CHST11: variants seen among roughly 807,000 people sequenced by gnomAD.
CHST11 encodes the protein C4S-1.
A neutral mutation model predicts 30.4 loss-of-function variants in CHST11; 9 were observed. That is an observed-to-expected ratio of 0.30 (90% confidence interval 0.18 to 0.52). The LOEUF (loss-of-function observed/expected upper bound fraction) is 0.52. CHST11 is among the 20% of genes least tolerant of loss of function. The pLI is 0.97. For synonymous variants in CHST11, 152 were observed against 187.8 expected (o/e 0.81, Z 1.56); for missense variants, 348 against 460.6 (o/e 0.76, Z 2.24).
At chr12:104,582,298 G>C (rs1188586917) in intron 1 of CHST11, among the ~76,000 whole-genome samples, 3 of 152,124 alleles carry the variant, frequency 2.0e-5, no homozygotes, top group Admixed American at 1.3e-4. Flanking sequence ...GCCAGGATTT[G>C]AGGCAGGAAT....
At chr12:104,726,003 A>G (rs909471134) in intron 2 of CHST11, among the ~76,000 whole-genome samples, 1 of 152,166 alleles carries the variant, frequency 6.6e-6, no homozygotes, top group African/African-American at 2.4e-5. Context: ...TGACATCATC[A>G]ATCCCTTTGT....
intron 2 of CHST11, among the ~76,000 whole-genome samples, chr12:104,713,046 G>A (rs10450755): frequency 0.013 from 1,903 of 151,530 alleles, 34 homozygotes; most frequent in African/African-American, 0.043. Flanking sequence ...TAATTCATGC[G>A]GCTTGCAGTA....
intron 1 of CHST11, among the ~76,000 whole-genome samples, chr12:104,478,415 G>A (rs116086016): frequency 6.5e-4 from 99 of 152,228 alleles, no homozygotes; most frequent in African/African-American, 2.3e-3. Flanking sequence ...CCAGGTCCAC[G>A]TCCCTAAGCC....
chr12:104,537,903 C>A (rs2038253133), intron 1 of CHST11, among the ~76,000 whole-genome samples: 1 of 152,064 alleles, frequency 6.6e-6, no homozygotes, highest in South Asian at 2.1e-4. Context: ...GCTCTGTTGC[C>A]TAGGCTGCTT....
intron 2 of CHST11, among the ~76,000 whole-genome samples, chr12:104,716,992 C>T (rs2040136561): frequency 6.6e-6 from 1 of 152,196 alleles, no homozygotes; most frequent in Non-Finnish European, 1.5e-5. Context: ...TCAGAGCCGG[C>T]AATGGCCAGT....
At chr12:104,509,702 A>G (rs1332559564) in intron 1 of CHST11, among the ~76,000 whole-genome samples, 1 of 152,216 alleles carries the variant, frequency 6.6e-6, no homozygotes. Flanking sequence ...CTCATGAATG[A>G]CATGAGACAT....
At chr12:104,597,311 C>T (rs1207501333) in intron 1 of CHST11, among the ~76,000 whole-genome samples, 6 of 151,810 alleles carry the variant, frequency 4.0e-5, no homozygotes, top group African/African-American at 1.5e-4. Context: ...AAAAAAAAAT[C>T]TTTAATCCCA....
At chr12:104,575,504 C>T (rs772401636) in intron 1 of CHST11, among the ~76,000 whole-genome samples, 4 of 152,160 alleles carry the variant, frequency 2.6e-5, no homozygotes, top group Non-Finnish European at 4.4e-5. Context: ...TGCGAGTCCT[C>T]TGTGATAATC....
chr12:104,462,906 C>G (rs991687956), intron 1 of CHST11, among the ~76,000 whole-genome samples: 2 of 152,122 alleles, frequency 1.3e-5, no homozygotes, highest in Non-Finnish European at 2.9e-5. Context: ...TAGGTGATCT[C>G]CTTTGATTGT....
chr12:104,574,384 T>A (rs1403375683), intron 1 of CHST11, among the ~76,000 whole-genome samples: 1 of 152,200 alleles, frequency 6.6e-6, no homozygotes, highest in Non-Finnish European at 1.5e-5. Flanking sequence ...GGATTATAAA[T>A]CATGCTGCTA....
chr12:104,534,046 G>T (rs907312984), intron 1 of CHST11, among the ~76,000 whole-genome samples: 1 of 152,138 alleles, frequency 6.6e-6, no homozygotes, highest in Non-Finnish European at 1.5e-5. Flanking sequence ...TTTTTTAATA[G>T]AGAAAGGGAA....
intron 1 of CHST11, among the ~76,000 whole-genome samples, chr12:104,497,784 G>A (rs1315734326): frequency 6.6e-6 from 1 of 152,100 alleles, no homozygotes; most frequent in Non-Finnish European, 1.5e-5. Flanking sequence ...AGAGGGGACC[G>A]GATGGTAACA....
chr12:104,741,886 A>G lies in CHST11; in HGVS notation c.205-15063A>G, dbSNP rs144248443. Among the ~76,000 whole-genome samples, 383 of 152,288 alleles carry G rather than the reference A, an allele frequency of 2.5e-3. 4 individuals are homozygous for G. Among genetic ancestry groups the G allele is most frequent in the African/African-American group, 8.5e-3 (353 of 41,560 alleles). ...CAGCCCGACCCACTGAACCAGAATTACTCAGGGTGGTGTCTGGGAACCCGC... is the reference window on the plus strand; with the variant it reads ...CAGCCCGACCCACTGAACCAGAATTGCTCAGGGTGGTGTCTGGGAACCCGC... On this transcript the variant is annotated intron_variant, in intron 2 of 2. Transcript: ENST00000303694.
intron 2 of CHST11, among the ~76,000 whole-genome samples, chr12:104,744,487 A>G (rs190415519): frequency 1.8e-4 from 28 of 152,204 alleles, no homozygotes; most frequent in Admixed American, 1.2e-3. Context: ...TTCCTTATAG[A>G]TGCTGGATAT....
At position 104,632,228 on chromosome 12, in the gene CHST11, AT is replaced by A. The variant is rs1592805467; in HGVS notation, c.204+30238del. Among the ~76,000 whole-genome samples, 4 of 151,842 alleles carry A rather than the reference AT, an allele frequency of 2.6e-5. No individual in the cohort carries two copies. In the South Asian group the frequency reaches 6.3e-4, roughly 24 times the overall value. On this transcript the variant is annotated intron_variant, in intron 2 of 2. Transcript: ENST00000303694. Reference sequence around the variant, plus strand: ...GATGAATAGAATTGGGGGTGATGATATGGGGGAAGGATGGGGCACCACTTCA... The same window carrying A: ...GATGAATAGAATTGGGGGTGATGATAGGGGGAAGGATGGGGCACCACTTCA...
At chr12:104,654,000 G>A (rs969331674) in intron 2 of CHST11, among the ~76,000 whole-genome samples, 3 of 152,184 alleles carry the variant, frequency 2.0e-5, no homozygotes, top group East Asian at 1.9e-4. Flanking sequence ...CGAGCAAGCC[G>A]TAGATATGTG....
chr12:104,605,014 A>C (rs186732247), intron 2 of CHST11, among the ~76,000 whole-genome samples: 193 of 148,220 alleles, frequency 1.3e-3, no homozygotes, highest in South Asian at 2.6e-3. Context: ...AACTTATCCA[A>C]GGCCACAAAA....
intron 2 of CHST11, among the ~76,000 whole-genome samples, chr12:104,711,918 C>T (rs980567511): frequency 6.6e-5 from 10 of 152,048 alleles, no homozygotes; most frequent in Admixed American, 5.9e-4. Context: ...GCTGGTGCTG[C>T]CTCTGACCAC....
intron 2 of CHST11, among the ~76,000 whole-genome samples, chr12:104,747,917 C>A (rs142463895): frequency 1.3e-5 from 2 of 152,158 alleles, no homozygotes; most frequent in Admixed American, 6.5e-5. Flanking sequence ...GAAACCAGCT[C>A]TTCCTTTTAA....
Sources: allele counts gnomAD v4.1 joint callset (sites outside exome capture counted in the v4.1 genomes callset), GRCh38; gene constraint gnomAD v4.1.1; transcripts MANE v1.5; gene names NCBI Gene and HGNC (gene_info 2026-07-23, HGNC 2026-07-21).